Variants in DSCAM observed in about 807,000 individuals in gnomAD.
The protein encoded by DSCAM is cell adhesion molecule DSCAM.
Under a neutral mutation model 217.7 loss-of-function variants are expected in DSCAM, and 47 were observed. That is an observed-to-expected ratio of 0.22 (90% CI 0.17 to 0.28). DSCAM has a LOEUF of 0.28. Among genes scored for constraint, DSCAM ranks in the 10% least tolerant of loss-of-function variants. The pLI is 1.00. For missense variants in DSCAM, 2,080 were observed against 2,618.3 expected, an observed-to-expected ratio of 0.79 and a Z score of 4.49; for synonymous variants, 1,056 against 1,015.3, an observed-to-expected ratio of 1.04 and a Z score of -0.76.
intron 11 of DSCAM, among the ~76,000 whole-genome samples, chr21:40,253,270 A>G (rs1004146997): frequency 8.5e-5 from 13 of 152,166 alleles, no homozygotes; most frequent in African/African-American, 3.1e-4. Context: ...TCATTCTCCT[A>G]ACTCTGTTAG....
intron 14 of DSCAM, among the ~76,000 whole-genome samples, chr21:40,186,317 G>A (rs758185290): frequency 5.9e-5 from 9 of 152,144 alleles, no homozygotes; most frequent in East Asian, 3.9e-4. Flanking sequence ...AATAACGTGC[G>A]GTATCCAGGA....
chr21:40,205,024 G>A (rs950840350), intron 11 of DSCAM, among the ~76,000 whole-genome samples: 3 of 152,206 alleles, frequency 2.0e-5, no homozygotes, highest in African/African-American at 7.2e-5. Context: ...TCTTTAAGAA[G>A]GGGGAAATGG....
intron 19 of DSCAM, among the ~76,000 whole-genome samples, chr21:40,129,250 T>C (rs2090130198): frequency 2.0e-5 from 3 of 152,182 alleles, no homozygotes; most frequent in African/African-American, 7.2e-5. Context: ...GATGCTACGA[T>C]CCTGGAGGGA....
chr21:40,731,687 T>A (rs2091012636), intron 1 of DSCAM, among the ~76,000 whole-genome samples: 1 of 151,922 alleles, frequency 6.6e-6, no homozygotes, highest in Non-Finnish European at 1.5e-5. Context: ...AAGGCCCATC[T>A]TACAGGCCAC....
At chr21:40,070,948 C>G (rs1260152743) in intron 27 of DSCAM, among the ~76,000 whole-genome samples, 1 of 152,228 alleles carries the variant, frequency 6.6e-6, no homozygotes, top group African/African-American at 2.4e-5. Flanking sequence ...GCAAGACACT[C>G]TGCCACAAAA....
chr21:40,062,803 T>A (rs1236479862), intron 28 of DSCAM, 66 bp downstream of exon 28: 1 of 1,446,414 alleles, frequency 6.9e-7, no homozygotes, highest in Non-Finnish European at 9.3e-7. Flanking sequence ...AAAATAGAAA[T>A]CATCAAGGCA....
intron 15 of DSCAM, among the ~76,000 whole-genome samples, chr21:40,173,289 G>A (rs773287720): frequency 2.0e-5 from 3 of 152,166 alleles, no homozygotes; most frequent in African/African-American, 7.2e-5. Context: ...AGGGTGGCCA[G>A]GATTGGATTC....
intron 3 of DSCAM, among the ~76,000 whole-genome samples, chr21:40,387,584 G>A (rs922893245): frequency 6.6e-6 from 1 of 152,274 alleles, no homozygotes; most frequent in South Asian, 2.1e-4. Flanking sequence ...TTCCCTGGAG[G>A]AAGGAGCACT....
chr21:40,428,771 T>A (rs956320798), intron 3 of DSCAM, among the ~76,000 whole-genome samples: 4 of 152,090 alleles, frequency 2.6e-5, no homozygotes, highest in Non-Finnish European at 5.9e-5. Context: ...CATAGGCATG[T>A]TGTGTCCCAG....
intron 3 of DSCAM, among the ~76,000 whole-genome samples, chr21:40,547,706 T>A (rs565128216): frequency 2.4e-4 from 37 of 152,064 alleles, no homozygotes; most frequent in Non-Finnish European, 4.9e-4. Context: ...CTTCCAGCCT[T>A]CAGCACAGGG....
chr21:40,538,636 T>G (rs2076518705), intron 3 of DSCAM, among the ~76,000 whole-genome samples: 1 of 152,202 alleles, frequency 6.6e-6, no homozygotes, highest in Non-Finnish European at 1.5e-5. Context: ...TTATTTTACT[T>G]TATTTTAATT....
chr21:40,347,330 G>C (rs1242121886), intron 6 of DSCAM, among the ~76,000 whole-genome samples: 1 of 150,544 alleles, frequency 6.6e-6, no homozygotes, highest in Non-Finnish European at 1.5e-5. Flanking sequence ...CCCCAAGCAA[G>C]GCATTCTTGA....
intron 1 of DSCAM, among the ~76,000 whole-genome samples, chr21:40,787,560 A>ATGG (rs2091605162): frequency 6.6e-6 from 1 of 152,182 alleles, no homozygotes; most frequent in African/African-American, 2.4e-5. Context: ...CTTAGCAGTC[A>ATGG]TGGTTTATTT....
chr21:40,797,471 T>A (rs2091702115), intron 1 of DSCAM, among the ~76,000 whole-genome samples: 1 of 152,194 alleles, frequency 6.6e-6, no homozygotes, highest in Admixed American at 6.5e-5. Flanking sequence ...TTGAGACACA[T>A]TCTCCCCAGT....
rs545771290 is a variant in DSCAM, at chr21:40,258,926, T to C, written c.2356+17171A>G. On this transcript the variant is annotated intron_variant, in intron 11 of 32. Coordinates refer to ENST00000400454, the MANE Select transcript of DSCAM (RefSeq NM_001389.5). ...CAGGTTATAAACGACCCTGTCTCCT[T>C]TGTTTGGTGTACTCTTGGGGCAAAA... Among the ~76,000 whole-genome samples, 95 of 152,288 alleles carry C rather than the reference T, an allele frequency of 6.2e-4. 1 individual carries two copies. The highest frequency in any genetic ancestry group is 9.9e-4 in the Non-Finnish European group (67 of 68,020).
chr21:40,146,302 AG>A (rs1156753787), intron 16 of DSCAM, among the ~76,000 whole-genome samples: 1 of 151,994 alleles, frequency 6.6e-6, no homozygotes, highest in Non-Finnish European at 1.5e-5. Flanking sequence ...GAGAAGTAGA[AG>A]GAGGATGGGG....
chr21:40,186,756 C>G (rs1382403432), intron 14 of DSCAM, among the ~76,000 whole-genome samples: 2 of 152,164 alleles, frequency 1.3e-5, no homozygotes, highest in African/African-American at 2.4e-5. Flanking sequence ...GGCTCAGGCT[C>G]TACAAAAGTC....
chr21:40,140,772 G>C (rs530911909), intron 18 of DSCAM, among the ~76,000 whole-genome samples: 1 of 152,238 alleles, frequency 6.6e-6, no homozygotes, highest in Admixed American at 6.5e-5. Flanking sequence ...CCCTTCTGTG[G>C]GGCTGTCCCT....
chr21:40,764,026 T>C lies in DSCAM; in HGVS notation c.44-55255A>G, dbSNP rs139221279. On this transcript the variant is annotated intron_variant, in intron 1 of 32. Coordinates refer to ENST00000400454, the MANE Select transcript of DSCAM (RefSeq NM_001389.5). ...AACCTAGGCAATATCATTCAGGACA[T>C]TGGCATGGGCAAAGACTTCATGAGT... Among the ~76,000 whole-genome samples, 703 of 152,272 alleles carry C rather than the reference T, an allele frequency of 4.6e-3. 8 individuals carry two copies. The highest frequency in any genetic ancestry group is 0.015 in the African/African-American group (641 of 41,552).
Sources: allele counts gnomAD v4.1 joint callset (sites outside exome capture counted in the v4.1 genomes callset), GRCh38; gene constraint gnomAD v4.1.1; transcripts MANE v1.5; gene names NCBI Gene and HGNC (gene_info 2026-07-23, HGNC 2026-07-21).